SIGLEC15: variants seen among roughly 807,000 people sequenced by gnomAD.
The protein encoded by SIGLEC15 is sialic acid-binding Ig-like lectin 15.
SIGLEC15 carries 31 observed loss-of-function variants against 26.2 expected under a neutral mutation model. The observed-to-expected ratio is 1.18, with a 90% confidence interval of 0.89 to 1.60. SIGLEC15 has a LOEUF of 1.60. Ranked by LOEUF, SIGLEC15 falls within the 40% of genes most tolerant of loss-of-function variation. The pLI is 0.00. For synonymous variants in SIGLEC15, 207 were observed against 221.9 expected, an observed-to-expected ratio of 0.93 and a Z score of 0.60; for missense variants, 501 against 488.4, an observed-to-expected ratio of 1.03 and a Z score of -0.24.
At position 45,842,440 on chromosome 18, in the gene SIGLEC15, T is replaced by TGAAA. The variant is rs141094241; in HGVS notation, c.*254_*255insAAAG. ...GCATACGTCTGTGTGTGTGTGTGTG[T>TGAAA]GTGAGAGAGAGAGAGAGAGAGTACA... is the stretch of plus-strand genomic sequence containing the variant. On this transcript the variant is annotated 3_prime_UTR_variant, in exon 6 of 6. Transcript: ENST00000389474. The TGAAA allele has an allele frequency of 2.2e-6, 1 of 456,670 alleles. No homozygotes were observed. Among genetic ancestry groups the TGAAA allele is most frequent in the South Asian group, 3.2e-5 (1 of 31,208 alleles). 28.3% of individuals were successfully genotyped at this position (456,670 alleles called of 1,614,324 possible).
rs2048329361 is a variant in SIGLEC15, at chr18:45,842,103, C to A, written c.906-3C>A. The A allele has an allele frequency of 6.2e-7, 1 of 1,613,978 alleles. No individual in the cohort carries two copies. Among genetic ancestry groups the A allele is most frequent in the South Asian group, 1.1e-5 (1 of 91,084 alleles). On this transcript the variant is annotated splice_region_variant and splice_polypyrimidine_tract_variant and intron_variant, in intron 5 of 5. Coordinates refer to ENST00000389474, the MANE Select transcript of SIGLEC15 (RefSeq NM_213602.3). ...TGATCATTCAACTTTCTCCTGTCCACAGGTCCCAGGCCCAGGAGTCCAATT... is the reference window on the plus strand; with the variant it reads ...TGATCATTCAACTTTCTCCTGTCCAAAGGTCCCAGGCCCAGGAGTCCAATT...
chr18:45,830,583 C>CTTTTTTTTTTTTT (rs56404391), intron 1 of SIGLEC15, among the ~76,000 whole-genome samples: 9 of 96,734 alleles, frequency 9.3e-5, no homozygotes, highest in Non-Finnish European at 1.3e-4. Flanking sequence ...ATTTTTCTTT[C>CTTTTTTTTTTTTT]TTTTTTTTTT....
chr18:45,838,595 G>A, intron 3 of SIGLEC15, 123 bp from the exon 4 acceptor site: 1 of 1,312,072 alleles, frequency 7.6e-7, no homozygotes, highest in Non-Finnish European at 1.0e-6. Context: ...TTGGGACGGG[G>A]GCAGCCTGGC....
In SIGLEC15 at chr18:45,837,808, C is replaced by T; in HGVS notation, c.408C>T (p.Asp136=). 1 of 1,526,426 alleles carries T rather than the reference C, an allele frequency of 6.6e-7. No homozygotes were observed. The highest frequency in any genetic ancestry group is 8.7e-7 in the Non-Finnish European group (1 of 1,145,394). The allele number at this position is 1,526,426 out of a possible 1,614,324, so 94.6% of individuals were successfully genotyped here. Reference sequence around the variant, plus strand: ...GCGTCGAGCGCCTCGCCCTGGCTGACGACCGCCGCTACTTCTGCCGCGTCG... The same window carrying T: ...GCGTCGAGCGCCTCGCCCTGGCTGATGACCGCCGCTACTTCTGCCGCGTCG... ...SLRVERLALA[D]DRRYFCRVEF... The change falls in exon 3 of 6, where the codon GAC becomes GAT. Residue 136 remains aspartate (D), a synonymous_variant. Transcript: ENST00000389474.
At chr18:45,829,077 G>A in intron 1 of SIGLEC15, 3 of 985,668 alleles carry the variant, frequency 3.0e-6, no homozygotes, top group African/African-American at 1.7e-5. Flanking sequence ...GGGGGTGGGG[G>A]CACCAGCAGA....
In SIGLEC15 at chr18:45,842,314, CT is replaced by C; in HGVS notation, c.*128del. On this transcript the variant is annotated 3_prime_UTR_variant, in exon 6 of 6. Transcript: ENST00000389474. The stretch of plus-strand genomic sequence containing the variant: ...AGCCCCCAGCTGGGTGGCTCCTCCC[CT>C]GCTCAAGGTCAAGACCCTGCTCAAG... 1.0e-6 allele frequency: 1 copy of C among 957,854 alleles called. No homozygotes were observed. The highest frequency in any genetic ancestry group is 1.6e-6 in the Non-Finnish European group (1 of 614,190). The allele number at this position is 957,854 out of a possible 1,614,324, so 59.3% of individuals were successfully genotyped here.
rs745403677 is a variant in SIGLEC15, at chr18:45,825,683, G to A, written c.-46G>A. On this transcript the variant is annotated 5_prime_UTR_variant, in exon 1 of 6. Transcript: ENST00000389474. ...CGCCTGGGAGGGCCCTCACTGGGGAGGTGGCCGAGAGCGGGTCTGGCCTGG... is the reference window on the plus strand; with the variant it reads ...CGCCTGGGAGGGCCCTCACTGGGGAAGTGGCCGAGAGCGGGTCTGGCCTGG... 1 of 1,605,688 alleles carries A rather than the reference G, an allele frequency of 6.2e-7. No individual in the cohort carries two copies. The highest frequency in any genetic ancestry group is 1.1e-5 in the South Asian group (1 of 90,826).
At chr18:45,829,972 G>C (rs563504865) in intron 1 of SIGLEC15, among the ~76,000 whole-genome samples, 3 of 152,118 alleles carry the variant, frequency 2.0e-5, no homozygotes, top group Non-Finnish European at 2.9e-5. Context: ...CGACTACCAC[G>C]GGACTCACTT....
intron 2 of SIGLEC15, 134 bp from the exon 3 acceptor site, chr18:45,837,379 G>A (rs906302106): frequency 7.0e-5 from 91 of 1,303,822 alleles, no homozygotes; most frequent in Middle Eastern, 2.8e-4. Flanking sequence ...GGAAGTGGGG[G>A]ACGATCCCTG....
intron 1 of SIGLEC15, among the ~76,000 whole-genome samples, chr18:45,832,922 C>A (rs1480917459): frequency 6.6e-6 from 1 of 152,130 alleles, no homozygotes; most frequent in Non-Finnish European, 1.5e-5. Flanking sequence ...AAGCGGGAGT[C>A]CAAGTGCCCG....
intron 2 of SIGLEC15, among the ~76,000 whole-genome samples, chr18:45,837,306 G>A (rs533506222): frequency 1.3e-5 from 2 of 152,350 alleles, no homozygotes; most frequent in South Asian, 2.1e-4. Context: ...GGGAGTGCAG[G>A]CCCTGGGGGT....
Position 45,837,767 on chromosome 18 carries a change from AACG to A in SIGLEC15, c.370_372del (p.Asp124del). Reference sequence around the variant, plus strand: ...CCGGCTGCTGGGCAACCCGCGCCGCAACGACCTCTCGCTGCGCGTCGAGCGCCT... The same window carrying A: ...CCGGCTGCTGGGCAACCCGCGCCGCAACCTCTCGCTGCGCGTCGAGCGCCT... On this transcript the variant is annotated inframe_deletion, in exon 3 of 6. Transcript: ENST00000389474. 1 of 1,522,916 alleles carries A rather than the reference AACG, an allele frequency of 6.6e-7. No individual in the cohort carries two copies. The highest frequency in any genetic ancestry group is 8.7e-7 in the Non-Finnish European group (1 of 1,143,936). The allele number at this position is 1,522,916 out of a possible 1,614,324, so 94.3% of individuals were successfully genotyped here. A position where few individuals can be genotyped will look rare whatever the true frequency, so the allele number is the denominator to read the frequency against.
chr18:45,837,225 G>A, intron 2 of SIGLEC15, 137 bp downstream of exon 2: 1 of 1,400,544 alleles, frequency 7.1e-7, no homozygotes, highest in South Asian at 1.5e-5. Context: ...GGGGCCTGCA[G>A]GTGAATTAGG....
intron 1 of SIGLEC15, among the ~76,000 whole-genome samples, 188 bp from the exon 2 acceptor site, chr18:45,836,841 G>T (rs1192564818): frequency 1.3e-5 from 2 of 152,220 alleles, no homozygotes; most frequent in African/African-American, 4.8e-5. Flanking sequence ...CTCTGTAAGT[G>T]GAAGTGCTGG....
chr18:45,830,620 C>T (rs1392157204), intron 1 of SIGLEC15, among the ~76,000 whole-genome samples: 1 of 120,352 alleles, frequency 8.3e-6, no homozygotes, highest in African/African-American at 3.2e-5. Context: ...GAGTCTCGCT[C>T]TGTCACCCAG....
At chr18:45,828,565 T>C (rs528144980) in intron 1 of SIGLEC15, among the ~76,000 whole-genome samples, 25 of 152,286 alleles carry the variant, frequency 1.6e-4, no homozygotes, top group Middle Eastern at 3.4e-3. Flanking sequence ...ACCACTGTCA[T>C]CTTCAGAACC....
At chr18:45,830,752 A>ATTT (rs34498635) in intron 1 of SIGLEC15, among the ~76,000 whole-genome samples, 7,554 of 117,988 alleles carry the variant, frequency 0.064, 528 homozygotes, top group African/African-American at 0.15. Context: ...TGCCAGGCTA[A>ATTT]TTTTTTTTTT....
At position 45,842,247 on chromosome 18, in the gene SIGLEC15, G is replaced by T. The variant is rs2048330800; in HGVS notation, c.*60G>T. Reference sequence around the variant, plus strand: ...TGTAAAGAACAAAGGCCAGTGCGAGGCTTGGCTGGCACAGCCAGTCCTGGT... The same window carrying T: ...TGTAAAGAACAAAGGCCAGTGCGAGTCTTGGCTGGCACAGCCAGTCCTGGT... On this transcript the variant is annotated 3_prime_UTR_variant, in exon 6 of 6. Transcript: ENST00000389474. The T allele has an allele frequency of 6.3e-7, 1 of 1,579,344 alleles. No individual in the cohort carries two copies.
chr18:45,840,237 C>A lies in SIGLEC15; in HGVS notation c.901C>A (p.Pro301Thr), dbSNP rs1340572201. The change falls in exon 5 of 6, where the codon CCA (proline) becomes ACA (threonine). Residue 301 changes from proline to threonine, a missense_variant. Physicochemically the swap from Pro to Thr is conservative, Grantham distance 38. Coordinates refer to ENST00000389474, the MANE Select transcript of SIGLEC15 (RefSeq NM_213602.3). ...GCATCTGGACACCCCGGACACCCCA[C>A]CACGGTAAGTGAGCTCCCCGCCTCC... ...PEHLDTPDTP[P>T]RSQAQESNYE... 3 of 1,612,592 alleles carry A rather than the reference C, an allele frequency of 1.9e-6. No individual in the cohort carries two copies. The East Asian group carries it at 6.7e-5, about 36-fold the overall frequency.
Sources: allele counts gnomAD v4.1 joint callset (sites outside exome capture counted in the v4.1 genomes callset), GRCh38; gene constraint gnomAD v4.1.1; transcripts MANE v1.5; gene names NCBI Gene and HGNC (gene_info 2026-07-23, HGNC 2026-07-21).